CALN1: variants seen among roughly 807,000 people sequenced by gnomAD.
The protein encoded by CALN1 is calneuron 1, also known as calcium-binding protein 8.
In CALN1, 17 loss-of-function variants were observed where a neutral mutation model predicts 30.6. That is an observed-to-expected ratio of 0.56 (90% confidence interval 0.38 to 0.83). CALN1 has a LOEUF of 0.83. Among genes scored for constraint, CALN1 ranks in the 40% least tolerant of loss-of-function variants. The pLI is 0.00. For synonymous variants in CALN1, 156 were observed against 131.4 expected (o/e 1.19, Z -1.28); for missense variants, 291 against 354.9 (o/e 0.82, Z 1.45).
Position 71,955,292 on chromosome 7 carries a change from C to T in CALN1, c.501+68365G>A, listed in dbSNP as rs565748626. Among the ~76,000 whole-genome samples, 5 of 152,124 alleles carry T rather than the reference C, an allele frequency of 3.3e-5. No individual in the cohort carries two copies. The East Asian group carries it at 9.7e-4, about 29-fold the overall frequency. ...TGATTCAGTGATCTCCCACCAGGTC[C>T]CTCCCACCACACATGGCAATTATGG... On this transcript the variant is annotated intron_variant, in intron 5 of 6. Transcript: ENST00000395275.
intron 2 of CALN1, among the ~76,000 whole-genome samples, chr7:72,382,769 A>G (rs1804981089): frequency 6.6e-6 from 1 of 152,064 alleles, no homozygotes; most frequent in Non-Finnish European, 1.5e-5. Context: ...TCCCAGGTGC[A>G]CCCATGTTGC....
intron 1 of CALN1, among the ~76,000 whole-genome samples, chr7:72,423,207 G>A (rs1042236351): frequency 1.3e-5 from 2 of 151,710 alleles, no homozygotes; most frequent in Non-Finnish European, 2.9e-5. Context: ...GAATTATTCA[G>A]AACTTGTACT....
In CALN1 at chr7:71,780,289, G is replaced by A. The variant is rs2115729032; in HGVS notation, c.*7486C>T. 1 of 152,304 alleles carries A rather than the reference G, an allele frequency of 6.6e-6. No individual in the cohort carries two copies. The highest frequency in any genetic ancestry group is 2.4e-5 in the African/African-American group (1 of 41,554). The allele number at this position is 152,304 out of a possible 1,614,324, so 9.4% of individuals were successfully genotyped here. ...CTTGTGCAACTCTCCACCAGGAGCT[G>A]ACAGGATCCTTTCTTGGCCAATCTA... is the stretch of plus-strand genomic sequence containing the variant. On this transcript the variant is annotated 3_prime_UTR_variant, in exon 7 of 7. Transcript: ENST00000395275.
At chr7:71,798,781 C>T (rs976136770) in intron 6 of CALN1, among the ~76,000 whole-genome samples, 1 of 151,794 alleles carries the variant, frequency 6.6e-6, no homozygotes, top group Non-Finnish European at 1.5e-5. Flanking sequence ...ACCACCATGA[C>T]CGACTAGCTT....
rs1185895778 is a variant in CALN1, at chr7:72,386,190, C to T, written c.119+17061G>A. On this transcript the variant is annotated intron_variant, in intron 2 of 6. Coordinates refer to ENST00000395275, the MANE Select transcript of CALN1 (RefSeq NM_031468.4). ...TGGATACATGACAATATGTATTTGT[C>T]AAAACCCATCGAACTTTGGCACAAA... 2.6e-5 allele frequency among the ~76,000 whole-genome samples: 4 copies of T among 152,202 alleles called. No homozygotes were observed. In the East Asian group the frequency reaches 5.8e-4, roughly 22 times the overall value.
rs182019947 is a variant in CALN1 at position 71,806,727 on chromosome 7, C to T, written c.658+3609G>A. Reference sequence around the variant, plus strand: ...TGTCAGCTGGTCTGAAGGACCCCCCCCCAGGGAGCTGACTTACCAAAGAAT... The same window carrying T: ...TGTCAGCTGGTCTGAAGGACCCCCCTCCAGGGAGCTGACTTACCAAAGAAT... On this transcript the variant is annotated intron_variant, in intron 6 of 6. Transcript: ENST00000395275. Among the ~76,000 whole-genome samples the T allele has an allele frequency of 1.7e-3, 264 of 152,242 alleles. 2 individuals carry two copies. The highest frequency in any genetic ancestry group is 2.8e-3 in the Non-Finnish European group (189 of 67,994).
At chr7:72,188,345 T>A (rs886522522) in intron 3 of CALN1, among the ~76,000 whole-genome samples, 6 of 152,136 alleles carry the variant, frequency 3.9e-5, no homozygotes, top group Admixed American at 3.9e-4. Flanking sequence ...TATACACATA[T>A]ATATATGATG....
chr7:71,900,904 G>T (rs1793812088), intron 5 of CALN1, among the ~76,000 whole-genome samples: 1 of 152,178 alleles, frequency 6.6e-6, no homozygotes, highest in South Asian at 2.1e-4. Context: ...GTGCACGTGG[G>T]CCCAAGAGAC....
chr7:72,180,607 C>CTTTTTTTTTTT (rs150600925), intron 3 of CALN1, among the ~76,000 whole-genome samples: 9 of 89,992 alleles, frequency 1.0e-4, no homozygotes, highest in Non-Finnish European at 1.6e-4. Context: ...GCTTTTTTTT[C>CTTTTTTTTTTT]TTTTTTTTTT....
rs1173391640 is a variant in CALN1, at chr7:71,783,470, TAGG to T, written c.*4302_*4304del. ...CCCAATAGGGTTTGAGACCTGCAGT[TAGG>T]AGGAGCAGAGCTTAGCAGCTTCTGC... On this transcript the variant is annotated 3_prime_UTR_variant, in exon 7 of 7. Transcript: ENST00000395275. 1 of 152,136 alleles carries T rather than the reference TAGG, an allele frequency of 6.6e-6. No individual in the cohort carries two copies. The highest frequency in any genetic ancestry group is 2.4e-5 in the African/African-American group (1 of 41,404). 9.4% of individuals were successfully genotyped at this position (152,136 alleles called of 1,614,324 possible). A position where few individuals can be genotyped will look rare whatever the true frequency, so the allele number is the denominator to read the frequency against.
At chr7:72,030,245 G>A (rs1351510529) in intron 4 of CALN1, among the ~76,000 whole-genome samples, 1 of 152,078 alleles carries the variant, frequency 6.6e-6, no homozygotes, top group Admixed American at 6.6e-5. Flanking sequence ...ATGAGCAAAG[G>A]GGGATGTCTC....
intron 3 of CALN1, among the ~76,000 whole-genome samples, chr7:72,275,752 A>G (rs1797293266): frequency 1.3e-5 from 2 of 152,204 alleles, no homozygotes; most frequent in African/African-American, 4.8e-5. Context: ...GCTAATCTAC[A>G]TACTGAAAAA....
chr7:72,079,328 T>C (rs1002354350), intron 4 of CALN1, among the ~76,000 whole-genome samples: 1 of 152,140 alleles, frequency 6.6e-6, no homozygotes, highest in African/African-American at 2.4e-5. Context: ...CGAGTTAAGA[T>C]ATGTAAGAGG....
At chr7:72,165,596 CAACA>C (rs546087993) in intron 3 of CALN1, among the ~76,000 whole-genome samples, 34 of 151,896 alleles carry the variant, frequency 2.2e-4, no homozygotes, top group African/African-American at 5.8e-4. Flanking sequence ...TCTCCAACAA[CAACA>C]AACAAACAAA....
At chr7:72,301,156 A>G (rs1799231808) in intron 2 of CALN1, among the ~76,000 whole-genome samples, 1 of 152,184 alleles carries the variant, frequency 6.6e-6, no homozygotes, top group Admixed American at 6.5e-5. Flanking sequence ...ACTGGAAAGA[A>G]AGTGGAGGAG....
rs377354180 is a variant in CALN1 at position 72,162,611 on chromosome 7, T to C, written c.245-56317A>G. ...AAAATTAGCCAGGCATGGTGGTGCA[T>C]GCCTGTAATCCTAGCTACTCAGGAG... On this transcript the variant is annotated intron_variant, in intron 3 of 6. Transcript: ENST00000395275. Among the ~76,000 whole-genome samples, 44 of 152,072 alleles carry C rather than the reference T, an allele frequency of 2.9e-4. 1 individual carries two copies. In the East Asian group the frequency reaches 7.2e-3, roughly 25 times the overall value.
At chr7:72,305,439 A>G (rs1382985107) in intron 2 of CALN1, among the ~76,000 whole-genome samples, 2 of 152,060 alleles carry the variant, frequency 1.3e-5, no homozygotes, top group Admixed American at 1.3e-4. Flanking sequence ...ATTGTGATGA[A>G]TTTCTATGTA....
At chr7:72,159,996 C>T (rs908324308) in intron 3 of CALN1, among the ~76,000 whole-genome samples, 2 of 152,048 alleles carry the variant, frequency 1.3e-5, no homozygotes, top group South Asian at 2.1e-4. Flanking sequence ...TTGGAGGTTC[C>T]CTTGCGACTT....
At chr7:72,403,202 A>G in intron 2 of CALN1, 49 bp downstream of exon 2, 2 of 1,460,328 alleles carry the variant, frequency 1.4e-6, no homozygotes, top group Non-Finnish European at 1.9e-6. Context: ...CCCCTACCTG[A>G]GGGCTGCCAA....
Sources: gnomAD v4.1 joint callset for allele counts (sites outside exome capture counted in the v4.1 genomes callset) on GRCh38, gnomAD v4.1.1 for gene constraint, MANE v1.5 for transcripts, NCBI Gene and HGNC (gene_info 2026-07-23, HGNC 2026-07-21) for gene names.